ARHGEF7: variants seen among roughly 807,000 people sequenced by gnomAD.
The protein encoded by ARHGEF7 is PAK-interacting exchange factor beta.
ARHGEF7 carries 33 observed loss-of-function variants against 109.8 expected under a neutral mutation model. The ratio of observed to expected loss-of-function variants is 0.30; its 90% CI spans 0.23 to 0.40. The LOEUF (loss-of-function observed/expected upper bound fraction) is 0.40. Ranked by LOEUF, ARHGEF7 falls within the 10% of genes least tolerant of loss-of-function variation. The pLI is 1.00. For missense variants in ARHGEF7, 938 were observed against 1,098.5 expected (o/e 0.85, Z 2.07); for synonymous variants, 458 against 424.6 (o/e 1.08, Z -0.97).
At chr13:111,118,361 G>T (rs2066946323) in intron 1 of ARHGEF7, among the ~76,000 whole-genome samples, 1 of 152,202 alleles carries the variant, frequency 6.6e-6, no homozygotes, top group South Asian at 2.1e-4. Context: ...CTTTTAAGGT[G>T]GAAGGTTAGA....
chr13:111,242,324 G>C (rs1555754), intron 6 of ARHGEF7, among the ~76,000 whole-genome samples: 3 of 152,076 alleles, frequency 2.0e-5, no homozygotes, highest in Non-Finnish European at 2.9e-5. Context: ...GGCAAACAGA[G>C]TAACGACCCG....
intron 5 of ARHGEF7, among the ~76,000 whole-genome samples, chr13:111,221,900 A>G (rs2084472174): frequency 6.6e-6 from 1 of 152,124 alleles, no homozygotes; most frequent in Non-Finnish European, 1.5e-5. Context: ...AAGGAGAGCC[A>G]GTCCGAGTCT....
chr13:111,125,597 A>G (rs1007700052), intron 1 of ARHGEF7, among the ~76,000 whole-genome samples: 5 of 152,238 alleles, frequency 3.3e-5, no homozygotes, highest in African/African-American at 7.2e-5. Flanking sequence ...AGTGTGATCT[A>G]TTAGCAACGC....
intron 6 of ARHGEF7, among the ~76,000 whole-genome samples, chr13:111,233,941 A>T (rs1192029933): frequency 2.0e-5 from 3 of 152,254 alleles, no homozygotes; most frequent in African/African-American, 7.2e-5. Flanking sequence ...CTTATGTAGC[A>T]ATTGCATGTT....
chr13:111,289,727 C>T (rs546920286), intron 18 of ARHGEF7, among the ~76,000 whole-genome samples: 17 of 150,936 alleles, frequency 1.1e-4, no homozygotes, highest in African/African-American at 2.9e-4. Flanking sequence ...TTATCAAAGA[C>T]GGCTGCAGCT....
chr13:111,170,056 C>G (rs753878083), intron 2 of ARHGEF7, among the ~76,000 whole-genome samples: 3 of 151,686 alleles, frequency 2.0e-5, no homozygotes, highest in Non-Finnish European at 4.4e-5. Context: ...GCAGAGGTGA[C>G]GCTTTTAGGA....
rs1052355427 is a variant in ARHGEF7 at position 111,266,529 on chromosome 13, C to T, written c.951-1019C>T. On this transcript the variant is annotated intron_variant, in intron 8 of 21. Transcript: ENST00000646102. The surrounding 1 kb of genome is among the most constrained non-coding windows in gnomAD (Gnocchi z 4.8). The stretch of plus-strand genomic sequence containing the variant: ...AATGACTATCATATTTCCTTTTTCT[C>T]CTTTGCTCCTTCATTCCCCTTTTTT... 6.6e-6 allele frequency among the ~76,000 whole-genome samples: 1 copy of T among 152,106 alleles called. No individual in the cohort carries two copies. Among genetic ancestry groups the T allele is most frequent in the Non-Finnish European group, 1.5e-5 (1 of 68,000 alleles).
chr13:111,182,901 T>C (rs1404022992), intron 2 of ARHGEF7, among the ~76,000 whole-genome samples: 1 of 152,248 alleles, frequency 6.6e-6, no homozygotes, highest in Non-Finnish European at 1.5e-5. Flanking sequence ...TCACATGAGC[T>C]ATTCAACGCT....
At chr13:111,241,391 C>T (rs1168761907) in intron 6 of ARHGEF7, 5 of 1,525,522 alleles carry the variant, frequency 3.3e-6, no homozygotes, top group East Asian at 2.4e-5. Flanking sequence ...AACCTCCTGG[C>T]AGAGGGAGTG....
At chr13:111,283,781 A>C (rs2092900640) in intron 16 of ARHGEF7, among the ~76,000 whole-genome samples, 1 of 152,210 alleles carries the variant, frequency 6.6e-6, no homozygotes, top group South Asian at 2.1e-4. Flanking sequence ...GCATTTTGTC[A>C]TCCAGAAGCC....
intron 5 of ARHGEF7, among the ~76,000 whole-genome samples, chr13:111,224,218 C>G (rs1468747279): frequency 6.9e-6 from 1 of 145,100 alleles, no homozygotes; most frequent in Non-Finnish European, 1.5e-5. Context: ...CACCCTCACT[C>G]TTACTCCCTT....
At chr13:111,172,099 T>G (rs2077652419) in intron 2 of ARHGEF7, among the ~76,000 whole-genome samples, 1 of 152,174 alleles carries the variant, frequency 6.6e-6, no homozygotes, top group South Asian at 2.1e-4. Context: ...CACGGTACCC[T>G]GAGAAAACAC....
chr13:111,152,096 CAA>C (rs1325469026), intron 1 of ARHGEF7, among the ~76,000 whole-genome samples: 3 of 151,876 alleles, frequency 2.0e-5, no homozygotes, highest in Admixed American at 6.6e-5. Context: ...GGTTACTTGC[CAA>C]AAAAGAGTGT....
chr13:111,153,596 C>T, intron 1 of ARHGEF7: 1 of 1,130,582 alleles, frequency 8.8e-7, no homozygotes, highest in Non-Finnish European at 1.1e-6. Context: ...ACACCCGACG[C>T]TATCCGAAGA....
At chr13:111,299,504 G>A (rs1160639652) in intron 19 of ARHGEF7, among the ~76,000 whole-genome samples, 8 of 151,970 alleles carry the variant, frequency 5.3e-5, no homozygotes, top group East Asian at 1.9e-4. Context: ...CACCACGCCC[G>A]GCTAATTTTT....
At chr13:111,216,489 G>T (rs1250501917) in intron 4 of ARHGEF7, among the ~76,000 whole-genome samples, 2 of 151,948 alleles carry the variant, frequency 1.3e-5, no homozygotes, top group African/African-American at 4.8e-5. Flanking sequence ...TGATGTCGCT[G>T]GTGGGGATAG....
intron 2 of ARHGEF7, among the ~76,000 whole-genome samples, chr13:111,195,243 G>C (rs1015547726): frequency 6.6e-5 from 10 of 152,158 alleles, no homozygotes; most frequent in Admixed American, 5.2e-4. Flanking sequence ...CTTCAGGGTT[G>C]ATTCCCTCCT....
At chr13:111,188,748 C>A (rs1474267094) in intron 2 of ARHGEF7, among the ~76,000 whole-genome samples, 1 of 152,196 alleles carries the variant, frequency 6.6e-6, no homozygotes, top group Non-Finnish European at 1.5e-5. Context: ...TGTGTCTTAG[C>A]CAGCTAAGAG....
intron 10 of ARHGEF7, 88 bp downstream of exon 10, chr13:111,274,040 A>G: frequency 2.0e-6 from 3 of 1,475,388 alleles, no homozygotes; most frequent in Non-Finnish European, 1.8e-6. Context: ...ATTATTCATG[A>G]TTTATTTTAG....
Sources: allele counts gnomAD v4.1 joint callset (sites outside exome capture counted in the v4.1 genomes callset), GRCh38; gene constraint gnomAD v4.1.1; non-coding constraint Gnocchi (gnomAD v3.1); transcripts MANE v1.5; gene names NCBI Gene and HGNC (gene_info 2026-07-23, HGNC 2026-07-21).